The following SGF29 variants were observed in gnomAD, a reference collection of about 807,000 sequenced individuals.
SGF29 encodes SAGA-associated factor 29.
A neutral mutation model predicts 38.1 loss-of-function variants in SGF29; 15 were observed. The observed-to-expected ratio is 0.39, with a 90% CI of 0.26 to 0.61. SGF29 has a LOEUF of 0.61. Among genes scored for constraint, SGF29 ranks in the 20% least tolerant of loss-of-function variants. The probability of loss-of-function intolerance (pLI) is 0.49; values close to 1 mark genes in which losing one functional copy is unlikely to be tolerated. For missense variants in SGF29, 184 were observed against 394.6 expected (o/e 0.47, Z 4.52); for synonymous variants, 151 against 160.8 (o/e 0.94, Z 0.46).
chr16:28,564,526 T>TGTATATATATAC (rs1567285520), intron 1 of SGF29, among the ~76,000 whole-genome samples: 4 of 118,072 alleles, frequency 3.4e-5, no homozygotes, highest in Non-Finnish European at 7.2e-5. Flanking sequence ...TATATGTGTG[T>TGTATATATATAC]GTATATATAT....
rs770392465 is a variant in SGF29, at chr16:28,553,983, A to T, written c.-130A>T. 1 of 152,284 alleles carries T rather than the reference A, an allele frequency of 6.6e-6. No homozygotes were observed. Among genetic ancestry groups the T allele is most frequent in the Admixed American group, 6.5e-5 (1 of 15,276 alleles). The allele number at this position is 152,284 out of a possible 1,614,324, so 9.4% of individuals were successfully genotyped here. On this transcript the variant is annotated 5_prime_UTR_variant, in exon 1 of 10. Coordinates refer to ENST00000317058, the MANE Select transcript of SGF29 (RefSeq NM_138414.3). ...CGTGTGCGGTTCTCGACGTGCCGCC[A>T]ATCTTCGAACGCAGGTCTGTGATCA...
intron 4 of SGF29, among the ~76,000 whole-genome samples, chr16:28,587,775 G>C (rs1404544555): frequency 1.3e-5 from 2 of 152,164 alleles, no homozygotes; most frequent in Admixed American, 6.5e-5. Context: ...GACCCAAAGT[G>C]GAGTTTGTGC....
At chr16:28,579,257 C>CTT (rs570774951) in intron 1 of SGF29, among the ~76,000 whole-genome samples, 69 of 134,818 alleles carry the variant, frequency 5.1e-4, no homozygotes, top group Non-Finnish European at 7.1e-4. Context: ...TTCTAATTAT[C>CTT]TTTTTTTTTT....
chr16:28,564,566 C>T (rs1249422173), intron 1 of SGF29, among the ~76,000 whole-genome samples: 10 of 106,642 alleles, frequency 9.4e-5, no homozygotes, highest in East Asian at 2.5e-4. Flanking sequence ...TATATATATA[C>T]GTATATATAT....
At position 28,564,541 on chromosome 16, in the gene SGF29, A is replaced by G. The variant is rs1402003816; in HGVS notation, c.-16+10444A>G. ...TATATGTGTGTGTATATATATATGT[A>G]TATATATACGTATATATATATATAC... is the stretch of plus-strand genomic sequence containing the variant. On this transcript the variant is annotated intron_variant, in intron 1 of 9. Transcript: ENST00000317058. Among the ~76,000 whole-genome samples, 14 of 93,678 alleles carry G rather than the reference A, an allele frequency of 1.5e-4. No individual in the cohort carries two copies. In the East Asian group the frequency reaches 1.5e-3, roughly 10 times the overall value. The allele number at this position is 93,678 out of a possible 152,430, so 61.5% of individuals were successfully genotyped here.
intron 1 of SGF29, among the ~76,000 whole-genome samples, chr16:28,574,019 T>C (rs978284023): frequency 6.6e-6 from 1 of 152,146 alleles, no homozygotes; most frequent in Non-Finnish European, 1.5e-5. Context: ...ATTGGTTTTG[T>C]TACGGGTGGA....
At chr16:28,582,420 C>T (rs935421716) in intron 2 of SGF29, among the ~76,000 whole-genome samples, 3 of 152,104 alleles carry the variant, frequency 2.0e-5, no homozygotes, top group Non-Finnish European at 4.4e-5. Context: ...ACCCATAGAA[C>T]GGCAGAACAC....
chr16:28,581,844 G>T (rs999677038), intron 2 of SGF29, among the ~76,000 whole-genome samples: 2 of 151,666 alleles, frequency 1.3e-5, no homozygotes, highest in Non-Finnish European at 2.9e-5. Context: ...ACTTGAACTC[G>T]GGAGGCAGAG....
At chr16:28,555,301 TA>T (rs142397858) in intron 1 of SGF29, among the ~76,000 whole-genome samples, 637 of 136,698 alleles carry the variant, frequency 4.7e-3, no homozygotes, top group Admixed American at 4.2e-3. Context: ...CAGTCTCTTC[TA>T]AAAAAAAAAA....
intron 4 of SGF29, among the ~76,000 whole-genome samples, chr16:28,587,511 A>C (rs1322914995): frequency 1.3e-5 from 2 of 152,214 alleles, no homozygotes; most frequent in African/African-American, 4.8e-5. Flanking sequence ...TGTACGCAGC[A>C]GGCAAGCTGT....
rs1394252755 is a variant in SGF29, at chr16:28,590,349, C to G, written c.473C>G (p.Pro158Arg). The change falls in exon 7 of 10, where the codon CCT (proline) becomes CGT (arginine). Residue 158 changes from proline to arginine, a missense_variant. By Grantham distance (103) the Pro-to-Arg change is moderately radical. Coordinates refer to ENST00000317058, the MANE Select transcript of SGF29 (RefSeq NM_138414.3). This position sits in a 1 kb window ranked among gnomAD's most constrained non-coding sequence, Gnocchi z 8.2. ...IPASGDYVAR[P>R]GDKVAARVKA... The stretch of plus-strand genomic sequence containing the variant: ...GCCTCAGGAGACTACGTGGCCAGAC[C>G]TGGAGACAAGGTGGCTGCCCGGGTG... The G allele has an allele frequency of 6.2e-7, 1 of 1,613,498 alleles. No individual in the cohort carries two copies. The highest frequency in any genetic ancestry group is 1.3e-5 in the African/African-American group (1 of 74,906).
intron 4 of SGF29, among the ~76,000 whole-genome samples, chr16:28,588,200 T>A (rs2046966343): frequency 6.6e-6 from 1 of 152,182 alleles, no homozygotes; most frequent in Non-Finnish European, 1.5e-5. Flanking sequence ...TTCTTTGGGT[T>A]CCTGCCACCC....
chr16:28,557,273 A>G (rs1567283543), intron 1 of SGF29, among the ~76,000 whole-genome samples: 1 of 152,232 alleles, frequency 6.6e-6, no homozygotes, highest in African/African-American at 2.4e-5. Flanking sequence ...AGTTGCAGAT[A>G]ACAAAAAGCT....
chr16:28,571,611 A>T lies in SGF29; in HGVS notation c.-15-9444A>T, dbSNP rs941661718. ...CGCCTTAAAAAAAAAAAAAAAAAAG[A>T]TTCTGAATCTTTGGGAAGCCCTCTG... On this transcript the variant is annotated intron_variant, in intron 1 of 9. Transcript: ENST00000317058. Among the ~76,000 whole-genome samples, 9 of 148,368 alleles carry T rather than the reference A, an allele frequency of 6.1e-5. No individual in the cohort carries two copies. The South Asian group carries it at 1.9e-3, about 32-fold the overall frequency.
chr16:28,568,536 G>A (rs777194517), intron 1 of SGF29, among the ~76,000 whole-genome samples: 1 of 151,686 alleles, frequency 6.6e-6, no homozygotes, highest in African/African-American at 2.4e-5. Context: ...TAAGTGTGGA[G>A]TGAGACATGA....
intron 1 of SGF29, among the ~76,000 whole-genome samples, chr16:28,562,484 A>G (rs996867323): frequency 6.6e-6 from 1 of 152,066 alleles, no homozygotes; most frequent in Non-Finnish European, 1.5e-5. Flanking sequence ...TTATACTTGT[A>G]TTGATGCTGG....
intron 1 of SGF29, among the ~76,000 whole-genome samples, chr16:28,557,883 G>C (rs1397097852): frequency 6.6e-6 from 1 of 151,118 alleles, no homozygotes; most frequent in Non-Finnish European, 1.5e-5. Flanking sequence ...TAGCTGAAGA[G>C]TCCTGGAGTA....
intron 1 of SGF29, among the ~76,000 whole-genome samples, chr16:28,568,758 C>T (rs1459199166): frequency 6.6e-6 from 1 of 151,920 alleles, no homozygotes; most frequent in Non-Finnish European, 1.5e-5. Flanking sequence ...ACTAAAAATA[C>T]AAAAATTAGC....
chr16:28,572,239 G>A (rs2046869144), intron 1 of SGF29, among the ~76,000 whole-genome samples: 1 of 151,914 alleles, frequency 6.6e-6, no homozygotes, highest in Non-Finnish European at 1.5e-5. Context: ...GCCTCCCTAA[G>A]TGCTGGGATT....
Sources: gnomAD v4.1 joint callset for allele counts (sites outside exome capture counted in the v4.1 genomes callset) on GRCh38, gnomAD v4.1.1 for gene constraint, Gnocchi (gnomAD v3.1) non-coding constraint, MANE v1.5 for transcripts, NCBI Gene and HGNC (gene_info 2026-07-23, HGNC 2026-07-21) for gene names.